RNF138: variants seen among roughly 807,000 people sequenced by gnomAD.
RNF138 encodes E3 ubiquitin-protein ligase RNF138.
A neutral mutation model predicts 31.0 loss-of-function variants in RNF138; 12 were observed. The observed-to-expected ratio is 0.39, with a 90% CI of 0.25 to 0.63. The LOEUF (loss-of-function observed/expected upper bound fraction) is 0.63. Ranked by LOEUF, RNF138 falls within the 20% of genes least tolerant of loss-of-function variation. The pLI, the probability that RNF138 is intolerant of heterozygous loss-of-function variation, is 0.52. For synonymous variants in RNF138, 105 were observed against 99.5 expected (o/e 1.06, Z -0.33); for missense variants, 192 against 300.1 (o/e 0.64, Z 2.66).
At chr18:32,121,893 A>C (rs1293550172) in intron 4 of RNF138, among the ~76,000 whole-genome samples, 2 of 151,920 alleles carry the variant, frequency 1.3e-5, no homozygotes, top group African/African-American at 4.8e-5. Context: ...TTTCAGACTG[A>C]GTTTCGCTCT....
At position 32,114,461 on chromosome 18, in the gene RNF138, C is replaced by T. The variant is rs115423130; in HGVS notation, c.392+601C>T. 9.7e-3 allele frequency among the ~76,000 whole-genome samples: 1,471 copies of T among 152,196 alleles called. 23 individuals carry two copies. Among genetic ancestry groups the T allele is most frequent in the African/African-American group, 0.033 (1,379 of 41,530 alleles). On this transcript the variant is annotated intron_variant, in intron 4 of 7. Transcript: ENST00000261593. ...TGTGGTTTAAAAAAATAATGATTAA[C>T]ATCCAGTTACCTATTAACCCAGGTC...
chr18:32,100,696 G>A (rs2039919933), intron 2 of RNF138, among the ~76,000 whole-genome samples: 1 of 151,990 alleles, frequency 6.6e-6, no homozygotes, highest in South Asian at 2.1e-4. Context: ...GGCTGGTCTC[G>A]AACTCCCAAC....
At chr18:32,094,115 A>G (rs932807568) in intron 2 of RNF138, among the ~76,000 whole-genome samples, 11 of 152,192 alleles carry the variant, frequency 7.2e-5, no homozygotes, top group African/African-American at 2.2e-4. Flanking sequence ...TTTAAAAAAC[A>G]CACTCAGGCT....
chr18:32,115,295 A>G (rs77015924), intron 4 of RNF138, among the ~76,000 whole-genome samples: 4,388 of 152,246 alleles, frequency 0.029, 220 homozygotes, highest in African/African-American at 0.1. Flanking sequence ...CCTAATAGCA[A>G]TATTCCTCAT....
chr18:32,108,809 C>CA (rs2040078076), intron 2 of RNF138, among the ~76,000 whole-genome samples: 1 of 152,116 alleles, frequency 6.6e-6, no homozygotes, highest in Non-Finnish European at 1.5e-5. Context: ...GCTAGGACTA[C>CA]AGGCATGCAC....
At chr18:32,095,838 A>G (rs867091987) in intron 2 of RNF138, among the ~76,000 whole-genome samples, 7 of 152,298 alleles carry the variant, frequency 4.6e-5, no homozygotes, top group African/African-American at 1.4e-4. Flanking sequence ...TTCTCTGGAG[A>G]CTTAATAGTC....
chr18:32,099,713 G>A (rs373265969), intron 2 of RNF138, among the ~76,000 whole-genome samples: 1 of 152,086 alleles, frequency 6.6e-6, no homozygotes, highest in East Asian at 1.9e-4. Flanking sequence ...GCCATTCTTT[G>A]TACCTGTTAT....
intron 2 of RNF138, among the ~76,000 whole-genome samples, chr18:32,109,149 TTTTC>T (rs1304307479): frequency 1.4e-5 from 2 of 145,560 alleles, no homozygotes; most frequent in Non-Finnish European, 3.0e-5. Context: ...ATTTTTGTCT[TTTTC>T]TTTCTTTTTT....
At chr18:32,117,562 A>G (rs746587797) in intron 4 of RNF138, among the ~76,000 whole-genome samples, 1 of 152,238 alleles carries the variant, frequency 6.6e-6, no homozygotes, top group African/African-American at 2.4e-5. Context: ...ACTGTTTATT[A>G]TACGTTCTGA....
At position 32,131,270 on chromosome 18, in the gene RNF138, T is replaced by G. The variant is rs1413518675; in HGVS notation, c.*2083T>G. The G allele has an allele frequency of 6.6e-6, 1 of 152,102 alleles. No individual in the cohort carries two copies. Among genetic ancestry groups the G allele is most frequent in the East Asian group, 1.9e-4 (1 of 5,196 alleles). The allele number at this position is 152,102 out of a possible 1,614,324, so 9.4% of individuals were successfully genotyped here. A position where few individuals can be genotyped will look rare whatever the true frequency, so the allele number is the denominator to read the frequency against. On this transcript the variant is annotated 3_prime_UTR_variant, in exon 8 of 8. Transcript: ENST00000261593. Reference sequence around the variant, plus strand: ...TACTTTATTTGCTTTTATCTGAGAATTTCTCAGTATGAAAATGATTGTTTA... The same window carrying G: ...TACTTTATTTGCTTTTATCTGAGAAGTTCTCAGTATGAAAATGATTGTTTA...
rs773953604 is a variant in RNF138 at position 32,111,835 on chromosome 18, A to G, written c.192A>G (p.Arg64=). 9 of 1,613,984 alleles carry G rather than the reference A, an allele frequency of 5.6e-6. No individual in the cohort carries two copies. Among genetic ancestry groups the G allele is most frequent in the Non-Finnish European group, 7.6e-6 (9 of 1,179,932 alleles). Residue 64 remains arginine (R), a synonymous_variant, in exon 3 of 8, where the codon AGA becomes AGG. Coordinates refer to ENST00000261593, the MANE Select transcript of RNF138 (RefSeq NM_016271.5). The part of the protein sequence containing the change: ...CPLCRGNVTR[R]ERACPERALD... ...TATGTCGTGGAAATGTGACTAGAAG[A>G]GAGAGAGCATGTCCTGAACGGGCCT...
chr18:32,112,995 C>T (rs1408599346), intron 3 of RNF138, among the ~76,000 whole-genome samples: 1 of 152,122 alleles, frequency 6.6e-6, no homozygotes, highest in Non-Finnish European at 1.5e-5. Flanking sequence ...AGGGCAATGA[C>T]GTGAAGCTGG....
chr18:32,095,751 C>T (rs765269363), intron 2 of RNF138, among the ~76,000 whole-genome samples: 1 of 152,164 alleles, frequency 6.6e-6, no homozygotes, highest in Non-Finnish European at 1.5e-5. Context: ...TATAAACTCC[C>T]GTTTAATCCC....
At position 32,093,135 on chromosome 18, in the gene RNF138, GCTCTCCCGCTCTC is replaced by G. The variant is rs1568220589; in HGVS notation, c.110+251_110+263del. Among the ~76,000 whole-genome samples the G allele has an allele frequency of 9.3e-5, 14 of 150,480 alleles. 1 individual carries two copies. Among genetic ancestry groups the G allele is most frequent in the Admixed American group, 3.3e-4 (5 of 15,206 alleles). On this transcript the variant is annotated intron_variant, in intron 2 of 7. Transcript: ENST00000261593. ...CGCTCTCCCGCTCTCCCGCTCTCCC[GCTCTCCCGCTCTC>G]CCTGGCTTTCGCGCCCCCGGGGCAG...
Position 32,116,938 on chromosome 18 carries a change from G to A in RNF138, c.392+3078G>A, listed in dbSNP as rs543340397. 6.6e-5 allele frequency among the ~76,000 whole-genome samples: 10 copies of A among 151,980 alleles called. No individual in the cohort carries two copies. The South Asian group carries it at 1.9e-3, about 28-fold the overall frequency. ...TTTATTTGTAGACAGAGTTTTGCTC[G>A]TCTCCCAGGCTGGAGTGCAGTGGTG... On this transcript the variant is annotated intron_variant, in intron 4 of 7. Transcript: ENST00000261593.
At chr18:32,124,955 A>G (rs2040361476) in intron 6 of RNF138, 110 bp downstream of exon 6, 6 of 627,560 alleles carry the variant, frequency 9.6e-6, no homozygotes, top group Non-Finnish European at 1.7e-5. Context: ...TGGTTGGGGC[A>G]TTATCAGTAA....
chr18:32,098,075 C>T (rs1341407745), intron 2 of RNF138, among the ~76,000 whole-genome samples: 2 of 151,968 alleles, frequency 1.3e-5, no homozygotes, highest in Admixed American at 6.6e-5. Flanking sequence ...AACCTCCCAC[C>T]TCCCTGGTTC....
intron 6 of RNF138, chr18:32,125,071 A>G (rs1034554433): frequency 2.3e-6 from 1 of 440,320 alleles, no homozygotes; most frequent in African/African-American, 2.0e-5. Flanking sequence ...GTGAGGTAAT[A>G]TAGCACAGTC....
At chr18:32,115,363 C>A (rs1271597531) in intron 4 of RNF138, among the ~76,000 whole-genome samples, 1 of 152,174 alleles carries the variant, frequency 6.6e-6, no homozygotes, top group Non-Finnish European at 1.5e-5. Flanking sequence ...ATCTCTCACT[C>A]GAACTATGAT....
Sources: gnomAD v4.1 joint callset for allele counts (sites outside exome capture counted in the v4.1 genomes callset) on GRCh38, gnomAD v4.1.1 for gene constraint, MANE v1.5 for transcripts, NCBI Gene and HGNC (gene_info 2026-07-23, HGNC 2026-07-21) for gene names.